The following TRRAP variants were observed in gnomAD, a reference collection of about 807,000 sequenced individuals.
The protein encoded by TRRAP is transformation/transcription domain associated protein.
A neutral mutation model predicts 438.8 loss-of-function variants in TRRAP; 41 were observed. The observed-to-expected ratio is 0.09, with a 90% CI of 0.07 to 0.12. The LOEUF (loss-of-function observed/expected upper bound fraction) is 0.12. Ranked by LOEUF, TRRAP falls within the 10% of genes least tolerant of loss-of-function variation. The pLI, the probability that TRRAP is intolerant of heterozygous loss-of-function variation, is 1.00. For missense variants in TRRAP, 3,122 were observed against 5,055.1 expected (o/e 0.62, Z 11.60); for synonymous variants, 1,994 against 1,962.9 (o/e 1.02, Z -0.42).
intron 12 of TRRAP, among the ~76,000 whole-genome samples, chr7:98,905,126 G>A (rs1051805852): frequency 6.6e-6 from 1 of 152,110 alleles, no homozygotes; most frequent in Non-Finnish European, 1.5e-5. Flanking sequence ...TCCCCAGCCA[G>A]TTCTCCATGT....
intron 41 of TRRAP, among the ~76,000 whole-genome samples, chr7:98,955,528 A>G (rs1422327222): frequency 1.3e-5 from 2 of 152,154 alleles, no homozygotes; most frequent in Non-Finnish European, 2.9e-5. Flanking sequence ...GTCTGAGGCT[A>G]CATTTCTGTT....
At chr7:98,924,724 C>T (rs1218128407) in intron 21 of TRRAP, among the ~76,000 whole-genome samples, 2 of 137,452 alleles carry the variant, frequency 1.5e-5, no homozygotes, top group African/African-American at 5.4e-5. Context: ...CTGGGTGTGG[C>T]TGGGCGCGGT....
intron 3 of TRRAP, among the ~76,000 whole-genome samples, chr7:98,884,106 A>G (rs1410927287): frequency 1.3e-5 from 2 of 152,190 alleles, no homozygotes; most frequent in African/African-American, 4.8e-5. Flanking sequence ...ATTCTAGGAC[A>G]TGGTCTAGCT....
intron 70 of TRRAP, 23 bp downstream of exon 70, chr7:99,008,584 GGCC>G: frequency 6.2e-7 from 1 of 1,610,158 alleles, no homozygotes; most frequent in Non-Finnish European, 8.5e-7. Flanking sequence ...CCGGGCCGGG[GGCC>G]GAGCTGCCGC....
intron 36 of TRRAP, 36 bp from the exon 37 acceptor site, chr7:98,949,624 C>T (rs372081922): frequency 2.8e-5 from 44 of 1,595,198 alleles, no homozygotes; most frequent in African/African-American, 1.5e-4. Context: ...GGGGTTTAAT[C>T]GAGACACGGT....
chr7:99,011,982 G>A lies in TRRAP; in HGVS notation c.11338-89G>A, dbSNP rs1239982776. ...TGGCCCTTGGTGGCCCTGAGCGGCC[G>A]CTGTGGTTGAGTCCCACCTTGTTAG... On this transcript the variant is annotated intron_variant, in intron 72 of 72. Coordinates refer to ENST00000456197, the MANE Select transcript of TRRAP (RefSeq NM_001375524.1). This position sits in a 1 kb window ranked among gnomAD's most constrained non-coding sequence, Gnocchi z 7.1. 3.1e-5 allele frequency: 47 copies of A among 1,516,034 alleles called. 2 individuals carry two copies. In the South Asian group the frequency reaches 4.0e-4, roughly 13 times the overall value. 93.9% of individuals were successfully genotyped at this position (1,516,034 alleles called of 1,614,324 possible).
chr7:98,936,163 T>C (rs782647626), intron 28 of TRRAP, among the ~76,000 whole-genome samples: 2 of 152,256 alleles, frequency 1.3e-5, no homozygotes, highest in African/African-American at 4.8e-5. Context: ...AATCATTTTC[T>C]TTCTAGTGGG....
In TRRAP at chr7:98,970,268, G is replaced by T; in HGVS notation, c.7669G>T (p.Glu2557Ter). The change falls in exon 52 of 73, where the codon GAG becomes TAG. Residue 2557 changes from glutamate to a stop codon, truncating the protein, a stop_gained. Coordinates refer to ENST00000456197, the MANE Select transcript of TRRAP (RefSeq NM_001375524.1). LOFTEE classifies it high-confidence loss of function. ...THVKQEPRER[E>*]NSESKEEDVE... Reference sequence around the variant, plus strand: ...TGTCAAGCAGGAGCCCCGGGAGCGGGAGAACAGCGAGTCCAAAGAGGAGGT... The same window carrying T: ...TGTCAAGCAGGAGCCCCGGGAGCGGTAGAACAGCGAGTCCAAAGAGGAGGT... 6.2e-7 allele frequency: 1 copy of T among 1,612,810 alleles called. No homozygotes were observed.
rs182759540 is a variant in TRRAP at position 98,924,316 on chromosome 7, A to T, written c.2824-796A>T. 2.0e-5 allele frequency among the ~76,000 whole-genome samples: 3 copies of T among 152,364 alleles called. No homozygotes were observed. The East Asian group carries it at 5.8e-4, about 29-fold the overall frequency. ...TTCCACCGCCTCTTTTGGAAGCTTC[A>T]CCAGGTGAATACCTATTAAAGCTGT... On this transcript the variant is annotated intron_variant, in intron 21 of 72. Transcript: ENST00000456197.
In TRRAP at chr7:98,945,745, A is replaced by G; in HGVS notation, c.4474-2A>G. The G allele has an allele frequency of 6.3e-7, 1 of 1,598,114 alleles. No individual in the cohort carries two copies. The highest frequency in any genetic ancestry group is 8.5e-7 in the Non-Finnish European group (1 of 1,179,678). On this transcript the variant is annotated splice_acceptor_variant, in intron 31 of 72. Transcript: ENST00000456197. LOFTEE classifies it high-confidence loss of function. ...AAAGATGATTTTCCTCCCCATCCTC[A>G]GGAAAGCATTTCCGAGTGCGGGAGA... is the stretch of plus-strand genomic sequence containing the variant.
rs1400199979 is a variant in TRRAP at position 98,981,871 on chromosome 7, C to T, written c.8737C>T (p.Arg2913Cys). ...PEEQQLSFIE[R>C]LVEMASSLAI... is the part of the protein sequence containing the mutation. ...GGAGCAGCAGCTCAGCTTCATCGAG[C>T]GCCTGGTGGAGATGGCCAGCAGCCT... Residue 2913 changes from arginine to cysteine, a missense_variant, in exon 59 of 73, where the codon CGC becomes TGC. Coordinates refer to ENST00000456197, the MANE Select transcript of TRRAP (RefSeq NM_001375524.1). 3.7e-6 allele frequency: 6 copies of T among 1,608,912 alleles called. No individual in the cohort carries two copies. The highest frequency in any genetic ancestry group is 2.2e-5 in the East Asian group (1 of 44,666).
intron 43 of TRRAP, among the ~76,000 whole-genome samples, chr7:98,957,585 G>T (rs1554420160): frequency 6.6e-6 from 1 of 152,168 alleles, no homozygotes; most frequent in African/African-American, 2.4e-5. Flanking sequence ...AGCCATGCGG[G>T]CCATCCCTCT....
intron 62 of TRRAP, 67 bp from the exon 63 acceptor site, chr7:98,988,698 T>G: frequency 1.3e-6 from 2 of 1,557,778 alleles, no homozygotes; most frequent in Non-Finnish European, 1.7e-6. Flanking sequence ...TAATGGTTAA[T>G]TTCAGATTAC....
rs782530846 is a variant in TRRAP, at chr7:98,937,641, T to G, written c.4234-9T>G. 9 of 1,593,030 alleles carry G rather than the reference T, an allele frequency of 5.6e-6. No individual in the cohort carries two copies. The South Asian group carries it at 1.0e-4, about 18-fold the overall frequency. ...TCTATTTTTCTTTACAACTTTTCTT[T>G]TTTAATAGTTTTTAGAAGGTGCTAC... On this transcript the variant is annotated splice_polypyrimidine_tract_variant and intron_variant, in intron 29 of 72. Coordinates refer to ENST00000456197, the MANE Select transcript of TRRAP (RefSeq NM_001375524.1).
chr7:98,964,404 A>G (rs1792060089), intron 47 of TRRAP, among the ~76,000 whole-genome samples: 1 of 152,234 alleles, frequency 6.6e-6, no homozygotes, highest in Non-Finnish European at 1.5e-5. Flanking sequence ...CTGAAGCACA[A>G]AAATCAGTTC....
At chr7:98,888,463 G>A (rs1353930925) in intron 3 of TRRAP, among the ~76,000 whole-genome samples, 1 of 151,772 alleles carries the variant, frequency 6.6e-6, no homozygotes, top group African/African-American at 2.4e-5. Context: ...CTTGGATCCT[G>A]GAGGCAGAGT....
chr7:98,966,016 G>A (rs1007752387), intron 49 of TRRAP, 121 bp downstream of exon 49: 6 of 1,142,624 alleles, frequency 5.3e-6, no homozygotes, highest in Non-Finnish European at 7.5e-6. Context: ...TGCACTCACA[G>A]CATCTTTTCT....
At position 98,931,412 on chromosome 7, in the gene TRRAP, A is replaced by G. The variant is rs375619933; in HGVS notation, c.3599A>G (p.Asn1200Ser). 3.0e-5 allele frequency: 49 copies of G among 1,613,278 alleles called. No homozygotes were observed. The highest frequency in any genetic ancestry group is 6.7e-5 in the African/African-American group (5 of 74,922). ...GACATCCCTGACTTGCAGGTTTCCAATGGGGCAGTCGCTATGGCAAAGACC... is the reference window on the plus strand; with the variant it reads ...GACATCCCTGACTTGCAGGTTTCCAGTGGGGCAGTCGCTATGGCAAAGACC... ...VMMDLTGEVS[N>S]GAVAMAKTTL... The change falls in exon 26 of 73, where the codon AAT becomes AGT. Residue 1200 changes from asparagine to serine, a missense_variant. Around this residue, in one of 24 missense-constraint regions of TRRAP, gnomAD observed 153 missense variants for 223.0 expected, o/e 0.69. Coordinates refer to ENST00000456197, the MANE Select transcript of TRRAP (RefSeq NM_001375524.1).
intron 8 of TRRAP, 38 bp from the exon 9 acceptor site, chr7:98,899,384 C>T: frequency 1.3e-6 from 2 of 1,599,944 alleles, no homozygotes; most frequent in Non-Finnish European, 1.7e-6. Context: ...TTAAATGCCA[C>T]AATGGTAACC....
Sources: allele counts gnomAD v4.1 joint callset (sites outside exome capture counted in the v4.1 genomes callset), GRCh38; gene constraint gnomAD v4.1.1; regional missense constraint gnomAD v4.1.1; non-coding constraint Gnocchi (gnomAD v3.1); transcripts MANE v1.5; gene names NCBI Gene and HGNC (gene_info 2026-07-23, HGNC 2026-07-21).